Variants in LAMC2 observed in about 807,000 individuals in gnomAD.
The protein encoded by LAMC2 is laminin subunit gamma 2, also known as laminin subunit gamma-2.
Under a neutral mutation model 140.2 loss-of-function variants are expected in LAMC2, and 97 were observed. That is an observed-to-expected ratio of 0.69 (90% confidence interval 0.59 to 0.82). The LOEUF is 0.82. Among genes scored for constraint, LAMC2 ranks in the 40% least tolerant of loss-of-function variants. The probability of loss-of-function intolerance (pLI) is 0.00; values close to 1 mark genes in which losing one functional copy is unlikely to be tolerated. For missense variants in LAMC2, 1,402 were observed against 1,476.1 expected, an observed-to-expected ratio of 0.95 and a Z score of 0.82; for synonymous variants, 513 against 540.2, an observed-to-expected ratio of 0.95 and a Z score of 0.70.
intron 14 of LAMC2, among the ~76,000 whole-genome samples, chr1:183,233,663 G>A (rs1659861695): frequency 6.6e-6 from 1 of 152,030 alleles, no homozygotes; most frequent in Non-Finnish European, 1.5e-5. Flanking sequence ...AATAACCACT[G>A]TTAAAATTTG....
downstream of LAMC2, among the ~76,000 whole-genome samples, chr1:183,246,239 T>C (rs1017980314): frequency 2.6e-5 from 4 of 151,468 alleles, no homozygotes; most frequent in Admixed American, 2.6e-4. Context: ...TGAGGAGAGA[T>C]GGGGAGTAGA....
intron 1 of LAMC2, among the ~76,000 whole-genome samples, chr1:183,199,672 C>T (rs1042106736): frequency 6.6e-6 from 1 of 152,170 alleles, no homozygotes; most frequent in Admixed American, 6.5e-5. Flanking sequence ...GAGGCAAATG[C>T]TGAGAGAGGT....
chr1:183,227,828 C>A, intron 10 of LAMC2, 131 bp downstream of exon 10: 1 of 823,586 alleles, frequency 1.2e-6, no homozygotes, highest in East Asian at 2.7e-5. Flanking sequence ...TGTGCTCACT[C>A]TAAAGATAAT....
chr1:183,236,927 A>G (rs1017515034), intron 17 of LAMC2, among the ~76,000 whole-genome samples: 1 of 152,172 alleles, frequency 6.6e-6, no homozygotes, highest in African/African-American at 2.4e-5. Flanking sequence ...AACCTATAGT[A>G]TATCTCTATG....
chr1:183,215,528 G>C lies in LAMC2; in HGVS notation c.344G>C (p.Arg115Pro). 1 of 1,614,172 alleles carries C rather than the reference G, an allele frequency of 6.2e-7. No homozygotes were observed. The highest frequency in any genetic ancestry group is 8.5e-7 in the Non-Finnish European group (1 of 1,180,034). Reference sequence around the variant, plus strand: ...GGTGTGACAGGAGCCAGATGCGACCGATGTCTGCCAGGCTTCCACATGCTC... The same window carrying C: ...GGTGTGACAGGAGCCAGATGCGACCCATGTCTGCCAGGCTTCCACATGCTC... ...KPGVTGARCDRCLPGFHMLTD... is the reference protein window; with the variant it reads ...KPGVTGARCDPCLPGFHMLTD... Residue 115 changes from arginine (R) to proline (P), a missense_variant, in exon 3 of 23, where the codon CGA becomes CCA. Transcript: ENST00000264144.
At chr1:183,245,148 TG>T (rs553986040), downstream of LAMC2, among the ~76,000 whole-genome samples, 2 of 152,138 alleles carry the variant, frequency 1.3e-5, no homozygotes, top group East Asian at 1.9e-4. Context: ...TCTAGCTGGG[TG>T]GGGGGGATAT....
At chr1:183,206,203 A>G (rs1327016200) in intron 1 of LAMC2, among the ~76,000 whole-genome samples, 1 of 152,240 alleles carries the variant, frequency 6.6e-6, no homozygotes, top group Non-Finnish European at 1.5e-5. Flanking sequence ...TGTTGTGAGA[A>G]TTAACTGAGC....
chr1:183,231,153 A>G, intron 12 of LAMC2, 50 bp downstream of exon 12: 1 of 1,608,516 alleles, frequency 6.2e-7, no homozygotes, highest in Non-Finnish European at 8.5e-7. Flanking sequence ...TCAAATCCTT[A>G]AGTGTCCACT....
At position 183,243,475 on chromosome 1, in the gene LAMC2, G is replaced by A; in HGVS notation, c.*75G>A. On this transcript the variant is annotated 3_prime_UTR_variant, in exon 23 of 23. Coordinates refer to ENST00000264144, the MANE Select transcript of LAMC2 (RefSeq NM_005562.3). ...GGCTCGGGAGCCATGTCATGTGAGT[G>A]GGTGGGATGGGGACATTTGAACATG... 1.3e-6 allele frequency: 2 copies of A among 1,563,444 alleles called. No individual in the cohort carries two copies. Among genetic ancestry groups the A allele is most frequent in the Non-Finnish European group, 1.8e-6 (2 of 1,134,908 alleles).
intron 15 of LAMC2, among the ~76,000 whole-genome samples, chr1:183,235,227 G>A (rs1659916176): frequency 6.6e-6 from 1 of 152,140 alleles, no homozygotes; most frequent in Non-Finnish European, 1.5e-5. Context: ...GTTGGATCCT[G>A]GGTGAAATAA....
At chr1:183,220,033 G>A (rs566275697) in intron 4 of LAMC2, among the ~76,000 whole-genome samples, 1 of 152,350 alleles carries the variant, frequency 6.6e-6, no homozygotes, top group East Asian at 1.9e-4. Flanking sequence ...CACAACATAA[G>A]TGCTAAATAA....
chr1:183,253,847 G>A, the LAMC2 span, among the ~76,000 whole-genome samples: 15,557 of 151,918 alleles, frequency 0.1, 936 homozygotes, highest in East Asian at 0.2. Context: ...TCCAGGTCTA[G>A]CCAAGTTGTG....
chr1:183,239,220 A>T, intron 19 of LAMC2, 144 bp from the exon 20 acceptor site: 1 of 807,358 alleles, frequency 1.2e-6, no homozygotes, highest in Non-Finnish European at 2.2e-6. Flanking sequence ...TAAGAAAGTT[A>T]ATTCCAGCCG....
rs1660182285 is a variant in LAMC2, at chr1:183,243,471, G to A, written c.*71G>A. On this transcript the variant is annotated 3_prime_UTR_variant, in exon 23 of 23. Transcript: ENST00000264144. ...TCAGGGCTCGGGAGCCATGTCATGT[G>A]AGTGGGTGGGATGGGGACATTTGAA... 3.8e-6 allele frequency: 6 copies of A among 1,584,086 alleles called. No individual in the cohort carries two copies. Among genetic ancestry groups the A allele is most frequent in the Non-Finnish European group, 3.5e-6 (4 of 1,153,332 alleles).
the LAMC2 span, chr1:183,251,385 G>C: frequency 1.3e-5 from 2 of 152,252 alleles, no homozygotes; most frequent in Non-Finnish European, 2.9e-5. Context: ...GCAACAAATT[G>C]CTTTCTCCTA....
At chr1:183,215,707 C>A in intron 3 of LAMC2, 119 bp downstream of exon 3, 2 of 1,220,382 alleles carry the variant, frequency 1.6e-6, no homozygotes, top group Non-Finnish European at 2.4e-6. Context: ...TTTGAGAGTA[C>A]ATCATTTGGG....
rs763532446 is a variant in LAMC2 at position 183,220,941 on chromosome 1, T to A, written c.620T>A (p.Ile207Asn). 1 of 1,614,108 alleles carries A rather than the reference T, an allele frequency of 6.2e-7. No homozygotes were observed. Among genetic ancestry groups the A allele is most frequent in the African/African-American group, 1.3e-5 (1 of 74,942 alleles). ...TCTGCAGAATACAGTGTCCATAAGA[T>A]CACCTCTACCTTTCATCAAGGTAAA... ...RSSAEYSVHK[I>N]TSTFHQDVDG... The change falls in exon 5 of 23, where the codon ATC becomes AAC. Residue 207 changes from isoleucine to asparagine, a missense_variant. Around this residue, in one of 3 missense-constraint regions of LAMC2, gnomAD observed 723 missense variants for 783.3 expected, o/e 0.92. Transcript: ENST00000264144.
At chr1:183,208,092 G>A in intron 2 of LAMC2, 23 bp downstream of exon 2, 2 of 1,599,390 alleles carry the variant, frequency 1.3e-6, no homozygotes, top group Non-Finnish European at 8.6e-7. Flanking sequence ...GACGGAAAGA[G>A]GGAGAGGGAG....
In LAMC2 at chr1:183,230,814, C is replaced by T. The variant is rs528271634; in HGVS notation, c.1715-147C>T. The T allele has an allele frequency of 3.3e-6, 3 of 918,072 alleles. No homozygotes were observed. The East Asian group carries it at 7.3e-5, about 22-fold the overall frequency. 56.9% of individuals were successfully genotyped at this position (918,072 alleles called of 1,614,324 possible). A position where few individuals can be genotyped will look rare whatever the true frequency, so the allele number is the denominator to read the frequency against. On this transcript the variant is annotated intron_variant, in intron 11 of 22. Transcript: ENST00000264144. ...ACCAGGCAAACCTGCCACATGATTC[C>T]TAAGACCTATCTGTATTAAGAAGGT...
Sources: allele counts gnomAD v4.1 joint callset (sites outside exome capture counted in the v4.1 genomes callset), GRCh38; gene constraint gnomAD v4.1.1; regional missense constraint gnomAD v4.1.1; transcripts MANE v1.5; gene names NCBI Gene and HGNC (gene_info 2026-07-23, HGNC 2026-07-21).